Variants in CCDC38 observed in about 807,000 individuals in gnomAD.
CCDC38 encodes coiled-coil domain-containing protein 38.
Under a neutral mutation model 72.8 loss-of-function variants are expected in CCDC38, and 69 were observed. The ratio of observed to expected loss-of-function variants is 0.95; its 90% confidence interval spans 0.78 to 1.16. The LOEUF (loss-of-function observed/expected upper bound fraction) is 1.16. Ranked by LOEUF, CCDC38 falls within the 50% of genes most tolerant of loss-of-function variation. The pLI is 0.00. For missense variants in CCDC38, 626 were observed against 638.9 expected (o/e 0.98, Z 0.22); for synonymous variants, 201 against 213.2 (o/e 0.94, Z 0.50).
chr12:95,897,926 T>C (rs899225206), intron 7 of CCDC38, among the ~76,000 whole-genome samples: 1 of 152,120 alleles, frequency 6.6e-6, no homozygotes, highest in African/African-American at 2.4e-5. Context: ...TTCCACTATG[T>C]AAGCGTAAAT....
chr12:95,922,234 C>G (rs1471128089), intron 2 of CCDC38, among the ~76,000 whole-genome samples: 1 of 152,130 alleles, frequency 6.6e-6, no homozygotes, highest in Admixed American at 6.5e-5. Flanking sequence ...TCCTATTCAC[C>G]CTGATGGTGA....
intron 7 of CCDC38, among the ~76,000 whole-genome samples, chr12:95,895,567 C>A (rs994466258): frequency 6.6e-6 from 1 of 151,642 alleles, no homozygotes; most frequent in African/African-American, 2.4e-5. Context: ...GCCTGGCCAA[C>A]ATGGAGAAAA....
In CCDC38 at chr12:95,895,007, G is replaced by A; in HGVS notation, c.754C>T (p.Leu252Phe). 6.2e-7 allele frequency: 1 copy of A among 1,606,170 alleles called. No homozygotes were observed. The highest frequency in any genetic ancestry group is 8.5e-7 in the Non-Finnish European group (1 of 1,177,392). ...AACTTACTTGCTAATATTTTTGGAA[G>A]GATGATATTTGCTTTACTTTTTGAT... ...QASKSKANII[L>F]PKILAKLSLH... The change falls in exon 8 of 16, where the codon CTT (leucine) becomes TTT (phenylalanine). Residue 252 changes from leucine to phenylalanine, a missense_variant. Transcript: ENST00000344280.
intron 14 of CCDC38, 106 bp from the exon 15 acceptor site, chr12:95,869,679 A>C: frequency 3.6e-6 from 2 of 554,274 alleles, no homozygotes; most frequent in Non-Finnish European, 3.2e-6. Flanking sequence ...CCTCCTTTAA[A>C]GGTAAATGAA....
At chr12:95,911,238 CAA>C (rs1166323212) in intron 4 of CCDC38, among the ~76,000 whole-genome samples, 1 of 152,060 alleles carries the variant, frequency 6.6e-6, no homozygotes, top group East Asian at 1.9e-4. Flanking sequence ...AAAATTAACT[CAA>C]GAGGGATTCA....
chr12:95,903,172 C>T (rs892410627), intron 5 of CCDC38, among the ~76,000 whole-genome samples: 9 of 151,978 alleles, frequency 5.9e-5, no homozygotes, highest in Non-Finnish European at 1.0e-4. Context: ...CATGGCATTG[C>T]TTTTTAAATT....
At chr12:95,930,831 C>A (rs1313934341) in intron 2 of CCDC38, among the ~76,000 whole-genome samples, 1 of 152,036 alleles carries the variant, frequency 6.6e-6, no homozygotes, top group Non-Finnish European at 1.5e-5. Flanking sequence ...TCCATTTTAG[C>A]AATAAGGGGT....
At chr12:95,896,367 CAA>C (rs1471267691) in intron 7 of CCDC38, among the ~76,000 whole-genome samples, 1 of 152,114 alleles carries the variant, frequency 6.6e-6, no homozygotes, top group Non-Finnish European at 1.5e-5. Flanking sequence ...ACAAAGTGGA[CAA>C]AGAGGGATGT....
chr12:95,906,976 C>T (rs1014784313), intron 4 of CCDC38, among the ~76,000 whole-genome samples: 9 of 151,084 alleles, frequency 6.0e-5, no homozygotes, highest in African/African-American at 2.2e-4. Flanking sequence ...TGCGGCCTTC[C>T]GCAGCGTTTG....
At chr12:95,911,620 G>T (rs777488458) in intron 4 of CCDC38, among the ~76,000 whole-genome samples, 1 of 152,252 alleles carries the variant, frequency 6.6e-6, no homozygotes, top group East Asian at 1.9e-4. Context: ...AAGAATGCCC[G>T]ACATTGCCAA....
In CCDC38 at chr12:95,879,720, A is replaced by T; in HGVS notation, c.1066T>A (p.Leu356Met). Reference protein sequence around the residue: ...LRELEEQNLTLFQYSQDVDEN... With the variant: ...LRELEEQNLTMFQYSQDVDEN... Reference sequence around the variant, plus strand: ...TCTACATCTTGGGAATATTGAAACAAAGTAAGATTCTGCTCTTCCAGCTCT... The same window carrying T: ...TCTACATCTTGGGAATATTGAAACATAGTAAGATTCTGCTCTTCCAGCTCT... Residue 356 changes from leucine (L) to methionine (M), a missense_variant, in exon 12 of 16, where the codon TTG becomes ATG. Coordinates refer to ENST00000344280, the MANE Select transcript of CCDC38 (RefSeq NM_182496.3). The surrounding 1 kb of genome is among the most constrained non-coding windows in gnomAD (Gnocchi z 5.5). The T allele has an allele frequency of 6.2e-7, 1 of 1,611,578 alleles. No individual in the cohort carries two copies. Among genetic ancestry groups the T allele is most frequent in the Non-Finnish European group, 8.5e-7 (1 of 1,177,912 alleles).
At chr12:95,931,604 A>G (rs575298148) in intron 2 of CCDC38, among the ~76,000 whole-genome samples, 1 of 152,298 alleles carries the variant, frequency 6.6e-6, no homozygotes, top group East Asian at 1.9e-4. Flanking sequence ...AACAAATACC[A>G]ATGAAGCCTC....
intron 2 of CCDC38, 147 bp downstream of exon 2, chr12:95,936,326 G>C (rs1458388806): frequency 2.9e-6 from 2 of 693,206 alleles, no homozygotes; most frequent in African/African-American, 3.7e-5. Context: ...TTAAAAAGTA[G>C]AACAGAATCT....
chr12:95,940,737 G>A (rs189519119), intron 1 of CCDC38, among the ~76,000 whole-genome samples: 7 of 152,250 alleles, frequency 4.6e-5, no homozygotes, highest in Non-Finnish European at 8.8e-5. Context: ...GCACGCTGCC[G>A]CTTCTGACTA....
At chr12:95,913,640 T>C (rs150414993) in intron 4 of CCDC38, among the ~76,000 whole-genome samples, 1,630 of 152,328 alleles carry the variant, frequency 0.011, 19 homozygotes, top group Non-Finnish European at 0.016. Context: ...TACACTACTT[T>C]ACTTTGTAAT....
chr12:95,938,526 C>A (rs1362122703), intron 1 of CCDC38, among the ~76,000 whole-genome samples: 2 of 152,194 alleles, frequency 1.3e-5, no homozygotes, highest in Admixed American at 6.5e-5. Flanking sequence ...ACTGGAAGTT[C>A]TGTTCCTTTA....
At chr12:95,876,389 C>A (rs554649479) in intron 13 of CCDC38, among the ~76,000 whole-genome samples, 1 of 152,118 alleles carries the variant, frequency 6.6e-6, no homozygotes, top group South Asian at 2.1e-4. Context: ...ATGTACTTAA[C>A]ACTACTGACC....
chr12:95,880,079 G>A (rs1306725044), intron 11 of CCDC38: 1 of 224,836 alleles, frequency 4.4e-6, no homozygotes, highest in Non-Finnish European at 8.6e-6. Context: ...GAGGAGGCAA[G>A]TGCGGGAAAA....
chr12:95,878,882 G>C (rs1048904807), intron 12 of CCDC38, among the ~76,000 whole-genome samples: 5 of 152,116 alleles, frequency 3.3e-5, no homozygotes, highest in Non-Finnish European at 5.9e-5. Context: ...TCTCAGAAAT[G>C]GTAATGGGTA....
Sources: allele counts gnomAD v4.1 joint callset (sites outside exome capture counted in the v4.1 genomes callset), GRCh38; gene constraint gnomAD v4.1.1; non-coding constraint Gnocchi (gnomAD v3.1); transcripts MANE v1.5; gene names NCBI Gene and HGNC (gene_info 2026-07-23, HGNC 2026-07-21).